Variants in CADM2 observed in about 807,000 individuals in gnomAD.
CADM2 encodes cell adhesion molecule 2, also known as immunoglobulin superfamily member 4D.
CADM2 carries 12 observed loss-of-function variants against 49.8 expected under a neutral mutation model. The observed-to-expected ratio is 0.24, with a 90% CI of 0.15 to 0.39. CADM2 has a LOEUF of 0.39. Ranked by LOEUF, CADM2 falls within the 10% of genes least tolerant of loss-of-function variation. The pLI is 1.00. For missense variants in CADM2, 378 were observed against 492.3 expected (o/e 0.77, Z 2.20); for synonymous variants, 214 against 175.4 (o/e 1.22, Z -1.74).
chr3:85,709,974 A>G (rs889739869), intron 1 of CADM2, among the ~76,000 whole-genome samples: 1 of 152,246 alleles, frequency 6.6e-6, no homozygotes, highest in African/African-American at 2.4e-5. Flanking sequence ...TAACTATTCT[A>G]TAGCCTGGAA....
At chr3:85,398,162 C>A (rs2034891461) in intron 1 of CADM2, among the ~76,000 whole-genome samples, 1 of 152,084 alleles carries the variant, frequency 6.6e-6, no homozygotes, top group South Asian at 2.1e-4. Flanking sequence ...CCCCCTTCCC[C>A]CACCCCATGA....
At chr3:85,402,224 A>T (rs549682190) in intron 1 of CADM2, among the ~76,000 whole-genome samples, 166 of 152,154 alleles carry the variant, frequency 1.1e-3, no homozygotes, top group Non-Finnish European at 2.2e-3. Context: ...AAACTACAAG[A>T]CCTTAACAAA....
At chr3:85,512,320 A>G (rs992180308) in intron 1 of CADM2, among the ~76,000 whole-genome samples, 2 of 152,204 alleles carry the variant, frequency 1.3e-5, no homozygotes, top group Non-Finnish European at 2.9e-5. Flanking sequence ...CTCCAGCTGA[A>G]ACAATGTTGC....
At position 85,075,844 on chromosome 3, in the gene CADM2, ACATT is replaced by A. The variant is rs1293590887; in HGVS notation, c.61+116178_61+116181del. ...CACAACTATTGAATTAAAATTCGTT[ACATT>A]CTTGAGAGTTTATAACTTTTTCATA... On this transcript the variant is annotated intron_variant, in intron 1 of 9. Transcript: ENST00000383699. Among the ~76,000 whole-genome samples, 3 of 152,208 alleles carry A rather than the reference ACATT, an allele frequency of 2.0e-5. No homozygotes were observed. In the East Asian group the frequency reaches 5.8e-4, roughly 29 times the overall value.
intron 1 of CADM2, among the ~76,000 whole-genome samples, chr3:85,219,013 T>C (rs1052796844): frequency 1.3e-5 from 2 of 152,158 alleles, no homozygotes; most frequent in Non-Finnish European, 2.9e-5. Context: ...AAGATGATTG[T>C]GTAAAATGTA....
intron 8 of CADM2, among the ~76,000 whole-genome samples, chr3:86,057,945 T>C (rs751859633): frequency 2.0e-5 from 3 of 152,214 alleles, no homozygotes; most frequent in Non-Finnish European, 4.4e-5. Flanking sequence ...CTGACTTCCA[T>C]AGTTAATTTT....
At position 85,766,328 on chromosome 3, in the gene CADM2, C is replaced by A. The variant is rs768561583; in HGVS notation, c.89-35719C>A. 5.7e-4 allele frequency among the ~76,000 whole-genome samples: 86 copies of A among 152,164 alleles called. 1 individual carries two copies. The highest frequency in any genetic ancestry group is 4.0e-4 in the Non-Finnish European group (27 of 67,998). On this transcript the variant is annotated intron_variant, in intron 2 of 9. Transcript: ENST00000383699. The stretch of plus-strand genomic sequence containing the variant: ...AGGAAAAATTGAGAATGAAAGAGCT[C>A]TCTATTAATAGTTATGTCAGGGCCC...
chr3:85,583,704 A>T (rs749260656), intron 1 of CADM2, among the ~76,000 whole-genome samples: 1 of 152,146 alleles, frequency 6.6e-6, no homozygotes, highest in Non-Finnish European at 1.5e-5. Flanking sequence ...CAAACCTTTT[A>T]AAAAGGGTAA....
At chr3:86,016,541 C>T (rs964061217) in intron 8 of CADM2, among the ~76,000 whole-genome samples, 3 of 152,096 alleles carry the variant, frequency 2.0e-5, no homozygotes, top group Admixed American at 6.6e-5. Flanking sequence ...TAACTTCCAC[C>T]TCTTTTTTCC....
At chr3:85,279,177 T>C (rs1191255784) in intron 1 of CADM2, among the ~76,000 whole-genome samples, 1 of 151,524 alleles carries the variant, frequency 6.6e-6, no homozygotes, top group African/African-American at 2.4e-5. Context: ...TATTAATCTC[T>C]GCCACAGAGT....
At chr3:85,289,718 A>T (rs570655503) in intron 1 of CADM2, among the ~76,000 whole-genome samples, 6 of 152,314 alleles carry the variant, frequency 3.9e-5, no homozygotes, top group Admixed American at 3.3e-4. Flanking sequence ...TTTATTAAAA[A>T]AATTGCCCTT....
intron 1 of CADM2, among the ~76,000 whole-genome samples, chr3:85,461,498 C>A (rs1335808067): frequency 1.3e-5 from 2 of 151,952 alleles, no homozygotes; most frequent in Non-Finnish European, 2.9e-5. Flanking sequence ...AGCTACAAAC[C>A]ATATATGTTA....
At chr3:85,965,189 A>G (rs1002691538) in intron 8 of CADM2, among the ~76,000 whole-genome samples, 2 of 150,850 alleles carry the variant, frequency 1.3e-5, no homozygotes, top group Non-Finnish European at 3.0e-5. Flanking sequence ...ACAATGTGGC[A>G]GATGTTCACA....
intron 1 of CADM2, among the ~76,000 whole-genome samples, chr3:84,974,067 A>G (rs1328150171): frequency 6.6e-6 from 1 of 152,062 alleles, no homozygotes; most frequent in Admixed American, 6.6e-5. Context: ...TTGGCATCAT[A>G]TTTTACTTCC....
chr3:85,227,296 A>G (rs2042183853), intron 1 of CADM2, among the ~76,000 whole-genome samples: 1 of 151,928 alleles, frequency 6.6e-6, no homozygotes, highest in South Asian at 2.1e-4. Flanking sequence ...TGCTTTATGG[A>G]TCTCAGTGCT....
chr3:85,995,580 T>G (rs1729280159), intron 8 of CADM2, among the ~76,000 whole-genome samples: 1 of 152,162 alleles, frequency 6.6e-6, no homozygotes, highest in Non-Finnish European at 1.5e-5. Context: ...AGTGAAGAAA[T>G]GGAACCCCAG....
intron 6 of CADM2, among the ~76,000 whole-genome samples, chr3:85,920,789 TTG>T (rs1444657669): frequency 6.6e-6 from 1 of 151,516 alleles, no homozygotes; most frequent in African/African-American, 2.4e-5. Flanking sequence ...ACGTAACAAT[TTG>T]TGTGTGTGTT....
At chr3:85,469,165 T>C (rs1335798134) in intron 1 of CADM2, among the ~76,000 whole-genome samples, 1 of 152,180 alleles carries the variant, frequency 6.6e-6, no homozygotes, top group African/African-American at 2.4e-5. Context: ...ACATGGAATA[T>C]GAGAGTTTTT....
intron 1 of CADM2, among the ~76,000 whole-genome samples, chr3:85,685,630 T>TG (rs1047672559): frequency 6.8e-6 from 1 of 147,082 alleles, no homozygotes; most frequent in Admixed American, 6.8e-5. Context: ...TTTTTTTTTT[T>TG]TTTTTGTTTT....
Sources: allele counts gnomAD v4.1 joint callset (sites outside exome capture counted in the v4.1 genomes callset), GRCh38; gene constraint gnomAD v4.1.1; transcripts MANE v1.5; gene names NCBI Gene and HGNC (gene_info 2026-07-23, HGNC 2026-07-21).